The following HCN1 variants were observed in gnomAD, a reference collection of about 807,000 sequenced individuals.
HCN1 encodes potassium/sodium hyperpolarization-activated cyclic nucleotide-gated channel 1.
In HCN1, 13 loss-of-function variants were observed where a neutral mutation model predicts 78.9. That is an observed-to-expected ratio of 0.16 (90% CI 0.11 to 0.26). HCN1 has a LOEUF of 0.26. Among genes scored for constraint, HCN1 ranks in the 10% least tolerant of loss-of-function variants. HCN1 has a pLI of 1.00. For missense variants in HCN1, 810 were observed against 1,154.3 expected (o/e 0.70, Z 4.32); for synonymous variants, 552 against 455.5 (o/e 1.21, Z -2.70).
chr5:45,463,753 C>G lies in HCN1; in HGVS notation c.850-1746G>C, dbSNP rs1042896624. ...TAAAGTCGGAAAAAGTCATCATGAA[C>G]TTAGTTTTTTTGTTGTTGTTTAGTA... On this transcript the variant is annotated intron_variant, in intron 2 of 7. Coordinates refer to ENST00000303230, the MANE Select transcript of HCN1 (RefSeq NM_021072.4). Among the ~76,000 whole-genome samples, 3 of 151,910 alleles carry G rather than the reference C, an allele frequency of 2.0e-5. No individual in the cohort carries two copies. The East Asian group carries it at 5.8e-4, about 29-fold the overall frequency.
chr5:45,398,180 T>C (rs938624250), intron 3 of HCN1, among the ~76,000 whole-genome samples: 1 of 152,084 alleles, frequency 6.6e-6, no homozygotes, highest in Admixed American at 6.6e-5. Context: ...CATGCCAATC[T>C]GTTTCATACC....
intron 2 of HCN1, among the ~76,000 whole-genome samples, chr5:45,547,659 T>A (rs1045990548): frequency 4.6e-5 from 7 of 151,958 alleles, no homozygotes; most frequent in South Asian, 2.1e-4. Context: ...ATTTAACAAG[T>A]CATTATTTTG....
intron 5 of HCN1, among the ~76,000 whole-genome samples, chr5:45,351,461 C>T (rs1746901483): frequency 9.1e-6 from 1 of 109,948 alleles, no homozygotes; most frequent in Non-Finnish European, 1.7e-5. Flanking sequence ...AGGACATAGG[C>T]GTGGGCAAGG....
Position 45,260,115 on chromosome 5 carries a change from CT to C in HCN1, c.*1805del, listed in dbSNP as rs1744702393. The C allele has an allele frequency of 6.6e-6, 1 of 152,236 alleles. No individual in the cohort carries two copies. Among genetic ancestry groups the C allele is most frequent in the African/African-American group, 2.4e-5 (1 of 41,448 alleles). 9.4% of individuals were successfully genotyped at this position (152,236 alleles called of 1,614,324 possible). On this transcript the variant is annotated 3_prime_UTR_variant, in exon 8 of 8. Coordinates refer to ENST00000303230, the MANE Select transcript of HCN1 (RefSeq NM_021072.4). ...AGGCATAACAGGCAGCAAGGATCCA[CT>C]TTAGAGTTTCTGCTTTTGTTTTTGT...
chr5:45,502,520 A>G (rs564406897), intron 2 of HCN1, among the ~76,000 whole-genome samples: 1 of 152,294 alleles, frequency 6.6e-6, no homozygotes, highest in South Asian at 2.1e-4. Context: ...TCTGCCACTC[A>G]CTAGCCATGT....
chr5:45,602,878 C>A (rs143002941), intron 2 of HCN1, among the ~76,000 whole-genome samples: 1 of 151,996 alleles, frequency 6.6e-6, no homozygotes, highest in African/African-American at 2.4e-5. Context: ...TGAAAGTAGA[C>A]GTGTGCTTAA....
At chr5:45,618,826 A>T (rs1745003174) in intron 2 of HCN1, among the ~76,000 whole-genome samples, 1 of 152,178 alleles carries the variant, frequency 6.6e-6, no homozygotes, top group Admixed American at 6.6e-5. Flanking sequence ...CTGATCAAAA[A>T]ATAAAATAAA....
rs149012085 is a variant in HCN1, at chr5:45,502,236, G to A, written c.850-40229C>T. 4.2e-3 allele frequency among the ~76,000 whole-genome samples: 634 copies of A among 151,968 alleles called. 4 individuals are homozygous for A. The highest frequency in any genetic ancestry group is 0.015 in the African/African-American group (611 of 41,466). ...TAATCCCAGCACTTTGGGAGGCCGA[G>A]GCGGGCGGATCATCTGAGGTCAGGA... On this transcript the variant is annotated intron_variant, in intron 2 of 7. Transcript: ENST00000303230.
intron 3 of HCN1, among the ~76,000 whole-genome samples, chr5:45,455,760 CAAAAA>C (rs571706502): frequency 1.7e-5 from 1 of 59,846 alleles, no homozygotes; most frequent in African/African-American, 4.6e-5. Context: ...TTCTGGAACT[CAAAAA>C]AAAAAAAAAA....
chr5:45,594,842 C>G (rs1744452062), intron 2 of HCN1, among the ~76,000 whole-genome samples: 1 of 152,126 alleles, frequency 6.6e-6, no homozygotes, highest in African/African-American at 2.4e-5. Flanking sequence ...GGTGACAGTA[C>G]AGAAGTTCTA....
chr5:45,491,594 A>T (rs1741887969), intron 2 of HCN1, among the ~76,000 whole-genome samples: 1 of 152,036 alleles, frequency 6.6e-6, no homozygotes, highest in Non-Finnish European at 1.5e-5. Flanking sequence ...TGCCTCATTC[A>T]TTTGTTTACT....
chr5:45,691,972 T>C (rs779796030), intron 1 of HCN1, among the ~76,000 whole-genome samples: 1 of 152,070 alleles, frequency 6.6e-6, no homozygotes, highest in Non-Finnish European at 1.5e-5. Context: ...GAAAAGAAAT[T>C]GAAAAAAATA....
intron 5 of HCN1, among the ~76,000 whole-genome samples, chr5:45,346,180 C>T (rs779070639): frequency 3.4e-4 from 52 of 152,250 alleles, no homozygotes; most frequent in Admixed American, 7.8e-4. Context: ...TTACCTCCCA[C>T]GGGGTCCCTC....
At chr5:45,590,985 C>T (rs1744347936) in intron 2 of HCN1, among the ~76,000 whole-genome samples, 1 of 152,134 alleles carries the variant, frequency 6.6e-6, no homozygotes, top group Non-Finnish European at 1.5e-5. Context: ...GCATGTGCCA[C>T]CATGACTGGC....
At chr5:45,491,413 C>T (rs1429863690) in intron 2 of HCN1, among the ~76,000 whole-genome samples, 2 of 151,960 alleles carry the variant, frequency 1.3e-5, no homozygotes, top group East Asian at 1.9e-4. Context: ...TCAGTTGAAA[C>T]ATTAAAAAAA....
At chr5:45,578,635 C>T (rs1279186545) in intron 2 of HCN1, among the ~76,000 whole-genome samples, 1 of 151,978 alleles carries the variant, frequency 6.6e-6, no homozygotes, top group Non-Finnish European at 1.5e-5. Context: ...GTGCTATATT[C>T]TAAGTGCTTT....
chr5:45,264,784 T>G (rs543906068), intron 7 of HCN1, among the ~76,000 whole-genome samples: 1 of 152,356 alleles, frequency 6.6e-6, no homozygotes, highest in African/African-American at 2.4e-5. Flanking sequence ...ATAATGTAAC[T>G]TTTAATACAC....
intron 5 of HCN1, among the ~76,000 whole-genome samples, chr5:45,319,805 A>G (rs908177272): frequency 6.6e-6 from 1 of 151,718 alleles, no homozygotes; most frequent in African/African-American, 2.4e-5. Context: ...AATTCTAAAT[A>G]CTCTGAAACT....
At position 45,645,331 on chromosome 5, in the gene HCN1, T is replaced by C. The variant is rs377021158; in HGVS notation, c.703A>G (p.Ile235Val). 4.3e-6 allele frequency: 7 copies of C among 1,613,546 alleles called. No individual in the cohort carries two copies. Among genetic ancestry groups the C allele is most frequent in the Admixed American group, 3.3e-5 (2 of 59,850 alleles). The stretch of plus-strand genomic sequence containing the variant: ...ATTCCTTTTTCTACAATAAGAAAGA[T>C]ATAATCCACTGGGATGGATGAGATG... ...DFISSIPVDY[I>V]FLIVEKGMDS... The change falls in exon 2 of 8, where the codon ATC becomes GTC. Residue 235 changes from isoleucine (I) to valine (V), a missense_variant. This residue lies in a region of HCN1 where 104 missense variants were observed against 402.8 expected (regional missense o/e 0.26). Coordinates refer to ENST00000303230, the MANE Select transcript of HCN1 (RefSeq NM_021072.4).
Sources: allele counts gnomAD v4.1 joint callset (sites outside exome capture counted in the v4.1 genomes callset), GRCh38; gene constraint gnomAD v4.1.1; regional missense constraint gnomAD v4.1.1; transcripts MANE v1.5; gene names NCBI Gene and HGNC (gene_info 2026-07-23, HGNC 2026-07-21).